Variants in TAFA5 observed in about 807,000 individuals in gnomAD.
TAFA5 encodes the protein chemokine-like protein TAFA-5.
A neutral mutation model predicts 15.3 loss-of-function variants in TAFA5; 6 were observed. The ratio of observed to expected loss-of-function variants is 0.39; its 90% CI spans 0.21 to 0.77. The LOEUF (loss-of-function observed/expected upper bound fraction) is 0.77. TAFA5 is among the 30% of genes least tolerant of loss of function. The pLI is 0.41. For synonymous variants in TAFA5, 103 were observed against 80.7 expected (o/e 1.28, Z -1.48); for missense variants, 161 against 193.1 (o/e 0.83, Z 0.98).
intron 1 of TAFA5, among the ~76,000 whole-genome samples, chr22:48,602,224 T>C (rs553071099): frequency 6.6e-6 from 1 of 152,268 alleles, no homozygotes; most frequent in South Asian, 2.1e-4. Flanking sequence ...TCAGAGACAG[T>C]GTGCATGGGG....
chr22:48,495,575 C>T (rs1928296425), intron 1 of TAFA5, among the ~76,000 whole-genome samples: 1 of 152,144 alleles, frequency 6.6e-6, no homozygotes, highest in East Asian at 1.9e-4. Context: ...GTTCTCCCTT[C>T]CCTGGGCTCC....
intron 1 of TAFA5, among the ~76,000 whole-genome samples, chr22:48,562,135 T>C (rs774230783): frequency 9.3e-4 from 141 of 152,108 alleles, no homozygotes; most frequent in Non-Finnish European, 6.3e-4. Flanking sequence ...AGAGCCTTTC[T>C]TTTTTCTTTT....
At chr22:48,665,977 C>G (rs1927595442) in intron 2 of TAFA5, among the ~76,000 whole-genome samples, 1 of 152,100 alleles carries the variant, frequency 6.6e-6, no homozygotes, top group African/African-American at 2.4e-5. Context: ...TCCAGCCTAG[C>G]CCTGGCCTCC....
chr22:48,575,874 C>A lies in TAFA5; in HGVS notation c.113-70723C>A, dbSNP rs1322021588. On this transcript the variant is annotated intron_variant, in intron 1 of 3. Transcript: ENST00000402357. ...CGGCCCCGAGCCTGGCCCGCCGCGGCGGCGGTGGCGGCGGCGGCGCGGCGG... is the reference window on the plus strand; with the variant it reads ...CGGCCCCGAGCCTGGCCCGCCGCGGAGGCGGTGGCGGCGGCGGCGCGGCGG... 2.1e-5 allele frequency among the ~76,000 whole-genome samples: 3 copies of A among 141,612 alleles called. No individual in the cohort carries two copies. In the East Asian group the frequency reaches 6.5e-4, roughly 31 times the overall value. 92.9% of individuals were successfully genotyped at this position (141,612 alleles called of 152,430 possible). A position where few individuals can be genotyped will look rare whatever the true frequency, so the allele number is the denominator to read the frequency against.
At chr22:48,637,333 CAT>C (rs893284290) in intron 1 of TAFA5, among the ~76,000 whole-genome samples, 42 of 149,000 alleles carry the variant, frequency 2.8e-4, no homozygotes, top group African/African-American at 1.0e-3. Flanking sequence ...CATGTGCACA[CAT>C]GTGCCCATGG....
At chr22:48,540,844 GT>G in intron 1 of TAFA5, among the ~76,000 whole-genome samples, 1 of 140,836 alleles carries the variant, frequency 7.1e-6, no homozygotes, top group South Asian at 2.3e-4. Flanking sequence ...TTGTTTTTGT[GT>G]TTGCCTGTCA....
At chr22:48,682,417 C>G (rs986541466) in intron 2 of TAFA5, among the ~76,000 whole-genome samples, 3 of 152,182 alleles carry the variant, frequency 2.0e-5, no homozygotes, top group Non-Finnish European at 4.4e-5. Context: ...CCCAGAGCCC[C>G]CTGAAGTTGC....
intron 1 of TAFA5, among the ~76,000 whole-genome samples, chr22:48,638,324 A>C (rs1569058901): frequency 1.2e-5 from 1 of 86,914 alleles, no homozygotes; most frequent in African/African-American, 4.7e-5. Context: ...CCCCCCACAC[A>C]CTAAGCCCTG....
chr22:48,644,876 C>T (rs1926809657), intron 1 of TAFA5, among the ~76,000 whole-genome samples: 1 of 152,234 alleles, frequency 6.6e-6, no homozygotes, highest in South Asian at 2.1e-4. Flanking sequence ...GGAGTCACCT[C>T]CCTGCCATCC....
intron 2 of TAFA5, among the ~76,000 whole-genome samples, chr22:48,704,768 G>A (rs886847553): frequency 6.8e-6 from 1 of 147,320 alleles, no homozygotes; most frequent in African/African-American, 2.5e-5. Context: ...TCTCCTGGCT[G>A]TCTCAGCCGG....
At chr22:48,622,207 A>G (rs1378888321) in intron 1 of TAFA5, among the ~76,000 whole-genome samples, 1 of 152,122 alleles carries the variant, frequency 6.6e-6, no homozygotes, top group Non-Finnish European at 1.5e-5. Flanking sequence ...AGAAGCTCCC[A>G]AAGTTACCCT....
At chr22:48,610,260 A>T (rs1260422718) in intron 1 of TAFA5, among the ~76,000 whole-genome samples, 1 of 152,078 alleles carries the variant, frequency 6.6e-6, no homozygotes, top group Admixed American at 6.5e-5. Context: ...CGGAGGCTGC[A>T]TCCCAGCGTT....
At chr22:48,745,121 T>G (rs1164439670) in intron 3 of TAFA5, among the ~76,000 whole-genome samples, 6 of 152,236 alleles carry the variant, frequency 3.9e-5, no homozygotes. Flanking sequence ...CCCTGAGCCC[T>G]GAACCCGAGT....
intron 1 of TAFA5, among the ~76,000 whole-genome samples, chr22:48,507,650 A>AT: frequency 6.6e-6 from 1 of 152,224 alleles, no homozygotes; most frequent in South Asian, 2.1e-4. Flanking sequence ...CAGAGCCAGG[A>AT]TGTGCGCTTG....
chr22:48,601,575 C>A (rs1270514708), intron 1 of TAFA5, among the ~76,000 whole-genome samples: 1 of 152,220 alleles, frequency 6.6e-6, no homozygotes, highest in African/African-American at 2.4e-5. Context: ...GATCCTCCCA[C>A]TTTGGCCTCC....
intron 1 of TAFA5, among the ~76,000 whole-genome samples, chr22:48,575,673 G>C (rs1369673669): frequency 2.1e-5 from 3 of 146,184 alleles, no homozygotes; most frequent in African/African-American, 4.9e-5. Context: ...CCCGGACCTA[G>C]TCCCGGCCGC....
intron 3 of TAFA5, among the ~76,000 whole-genome samples, chr22:48,745,091 C>T (rs908766269): frequency 6.6e-6 from 1 of 152,226 alleles, no homozygotes; most frequent in African/African-American, 2.4e-5. Flanking sequence ...GACCATTAGC[C>T]TGTGAGGGTG....
intron 1 of TAFA5, among the ~76,000 whole-genome samples, chr22:48,579,657 G>T (rs1197316324): frequency 6.6e-6 from 1 of 152,228 alleles, no homozygotes; most frequent in Non-Finnish European, 1.5e-5. Flanking sequence ...CTCTTCCAAA[G>T]ACTTTACAAT....
intron 1 of TAFA5, among the ~76,000 whole-genome samples, chr22:48,642,320 G>T (rs1328537474): frequency 1.3e-5 from 2 of 152,136 alleles, no homozygotes; most frequent in Non-Finnish European, 2.9e-5. Context: ...GCGGCCCAGG[G>T]GTCCGGGTCT....
Sources: allele counts gnomAD v4.1 joint callset (sites outside exome capture counted in the v4.1 genomes callset), GRCh38; gene constraint gnomAD v4.1.1; transcripts MANE v1.5; gene names NCBI Gene and HGNC (gene_info 2026-07-23, HGNC 2026-07-21).